LRRC37A2: variants seen among roughly 807,000 people sequenced by gnomAD.
LRRC37A2 encodes leucine-rich repeat-containing protein 37A2.
A neutral mutation model predicts 68.8 loss-of-function variants in LRRC37A2; 9 were observed. The ratio of observed to expected loss-of-function variants is 0.13; its 90% CI spans 0.08 to 0.23. LRRC37A2 has a LOEUF of 0.23. LRRC37A2 is among the 10% of genes least tolerant of loss of function. The pLI, the probability that LRRC37A2 is intolerant of heterozygous loss-of-function variation, is 1.00. For synonymous variants in LRRC37A2, 63 were observed against 367.6 expected, an observed-to-expected ratio of 0.17 and a Z score of 9.48; for missense variants, 168 against 950.4, an observed-to-expected ratio of 0.18 and a Z score of 10.82.
chr17:46,853,659 G>T, the LRRC37A2 span, among the ~76,000 whole-genome samples: 94 of 152,136 alleles, frequency 6.2e-4, 1 homozygote, highest in African/African-American at 2.2e-3. Flanking sequence ...TGAGCCACCA[G>T]GCCTGGCTAG....
chr17:46,849,747 C>G, the LRRC37A2 span, among the ~76,000 whole-genome samples: 61 of 152,192 alleles, frequency 4.0e-4, no homozygotes, highest in African/African-American at 1.4e-3. Flanking sequence ...CCACCATCAA[C>G]CCTCCTTGAG....
the LRRC37A2 span, chr17:46,930,841 T>C: frequency 7.2e-6 from 3 of 415,540 alleles, no homozygotes; most frequent in Non-Finnish European, 1.3e-5. Flanking sequence ...GAAATTTATT[T>C]CTACAGATTT....
the LRRC37A2 span, chr17:46,818,669 C>G: frequency 1.4e-6 from 2 of 1,384,382 alleles, no homozygotes; most frequent in East Asian, 5.0e-5. Context: ...ATAGTTGGAA[C>G]AAAGTCCACT....
At chr17:46,722,066 G>A in the LRRC37A2 span, 8 of 1,610,076 alleles carry the variant, frequency 5.0e-6, no homozygotes, top group Admixed American at 1.7e-5. Flanking sequence ...CTTGAGGTCC[G>A]AGTTCATCTC....
the LRRC37A2 span, among the ~76,000 whole-genome samples, chr17:46,829,676 G>A: frequency 2.0e-5 from 3 of 151,950 alleles, no homozygotes. Context: ...CCTTGCCTGG[G>A]GACACTGGGA....
At chr17:46,462,463 A>AT in the LRRC37A2 span, among the ~76,000 whole-genome samples, 210 of 68,640 alleles carry the variant, frequency 3.1e-3, 44 homozygotes, top group African/African-American at 9.5e-3. Flanking sequence ...CTTGATTCTA[A>AT]TTTTTTTTGA....
At chr17:47,029,103 G>A in the LRRC37A2 span, among the ~76,000 whole-genome samples, 6 of 152,016 alleles carry the variant, frequency 3.9e-5, no homozygotes, top group South Asian at 8.3e-4. Flanking sequence ...GCTTGAACCC[G>A]GGAGGTGGAA....
At chr17:46,830,251 T>C in the LRRC37A2 span, among the ~76,000 whole-genome samples, 172 of 152,138 alleles carry the variant, frequency 1.1e-3, no homozygotes, top group Non-Finnish European at 2.0e-3. Context: ...TGGGAAATCA[T>C]ATTTCCTTTC....
chr17:46,987,068 GCCCGTCTCTA>G, the LRRC37A2 span, among the ~76,000 whole-genome samples: 1 of 152,000 alleles, frequency 6.6e-6, no homozygotes, highest in Non-Finnish European at 1.5e-5. Flanking sequence ...TGACACGGTG[GCCCGTCTCTA>G]CTAAAAATAC....
At chr17:46,542,523 A>G (rs1169201026) in intron 8 of LRRC37A2, among the ~76,000 whole-genome samples, 1 of 146,926 alleles carries the variant, frequency 6.8e-6, no homozygotes, top group Non-Finnish European at 1.5e-5. Flanking sequence ...GGATATATAT[A>G]TAGATATAGA....
the LRRC37A2 span, among the ~76,000 whole-genome samples, chr17:46,622,202 A>G: frequency 1.4e-5 from 2 of 144,658 alleles, 1 homozygote; most frequent in Admixed American, 1.4e-4. Flanking sequence ...TCACACCTGT[A>G]ATCTCAGCAC....
chr17:46,916,316 T>C, the LRRC37A2 span, among the ~76,000 whole-genome samples: 1 of 152,218 alleles, frequency 6.6e-6, no homozygotes, highest in Non-Finnish European at 1.5e-5. Context: ...CTTACATGAA[T>C]GGAACTTCTC....
chr17:47,034,793 A>G, the LRRC37A2 span, among the ~76,000 whole-genome samples: 3 of 151,590 alleles, frequency 2.0e-5, no homozygotes, highest in Non-Finnish European at 2.9e-5. Context: ...GACTTTGTAC[A>G]GAGCCCACCA....
the LRRC37A2 span, chr17:46,721,485 A>T: frequency 1.7e-5 from 13 of 746,152 alleles, 1 homozygote; most frequent in South Asian, 1.1e-4. Flanking sequence ...TGATAATTTT[A>T]CCTGTTCTAC....
the LRRC37A2 span, among the ~76,000 whole-genome samples, chr17:46,727,119 T>A: frequency 6.6e-6 from 1 of 152,168 alleles, no homozygotes; most frequent in African/African-American, 2.4e-5. Context: ...ACAGAGTAAT[T>A]GTGAAGACAA....
chr17:46,895,399 G>C, the LRRC37A2 span, among the ~76,000 whole-genome samples: 6 of 152,246 alleles, frequency 3.9e-5, no homozygotes, highest in Admixed American at 3.9e-4. Context: ...CCCCATTTGT[G>C]TTATGAGGAC....
At chr17:46,598,945 C>T in the LRRC37A2 span, among the ~76,000 whole-genome samples, 9 of 136,714 alleles carry the variant, frequency 6.6e-5, no homozygotes, top group Non-Finnish European at 1.1e-4. Flanking sequence ...TTGTGTATCG[C>T]TTTAGTGGAT....
the LRRC37A2 span, among the ~76,000 whole-genome samples, chr17:46,497,288 A>G: frequency 2.0e-5 from 3 of 147,100 alleles, no homozygotes; most frequent in Non-Finnish European, 4.4e-5. Context: ...TGGACCATTT[A>G]CATTTAATAT....
chr17:46,532,132 C>G (rs4968261), intron 6 of LRRC37A2, among the ~76,000 whole-genome samples: 72,816 of 144,406 alleles, frequency 0.5, 19,639 homozygotes, highest in South Asian at 0.71. Context: ...CTCCTAACCT[C>G]AGATGATCCA....
Sources: allele counts gnomAD v4.1 joint callset (sites outside exome capture counted in the v4.1 genomes callset), GRCh38; gene constraint gnomAD v4.1.1; transcripts MANE v1.5; gene names NCBI Gene and HGNC (gene_info 2026-07-23, HGNC 2026-07-21).